Variants in CCDC7 observed in about 807,000 individuals in gnomAD.
CCDC7 encodes coiled-coil domain containing 7.
In CCDC7, 183 loss-of-function variants were observed where a neutral mutation model predicts 196.9. The ratio of observed to expected loss-of-function variants is 0.93; its 90% CI spans 0.82 to 1.05. The LOEUF (loss-of-function observed/expected upper bound fraction) is 1.05. Among genes scored for constraint, CCDC7 ranks in the 50% least tolerant of loss-of-function variants. The pLI is 0.00. For synonymous variants in CCDC7, 525 were observed against 484.6 expected (o/e 1.08, Z -1.10); for missense variants, 1,540 against 1,482.2 (o/e 1.04, Z -0.64).
chr10:32,571,814 TA>T, intron 15 of CCDC7, 44 bp from the exon 17 acceptor site: 1 of 1,493,580 alleles, frequency 6.7e-7, no homozygotes, highest in Non-Finnish European at 8.9e-7. Context: ...AAACATTTCA[TA>T]TGCATACTTG....
Position 32,565,609 on chromosome 10 carries a change from C to T in CCDC7, c.1186C>T (p.Gln396Ter), listed in dbSNP as rs1373131448. The T allele has an allele frequency of 3.7e-6, 6 of 1,608,932 alleles. No individual in the cohort carries two copies. The highest frequency in any genetic ancestry group is 5.1e-6 in the Non-Finnish European group (6 of 1,176,864). ...CAAAGTCCTTCAGGAGCAATTGAAA[C>T]AGGCTTTACAGGTAAAGGATGTCAT... The change falls in exon 14 of 42, where the codon CAG (glutamine) becomes TAG (stop). Residue 396 changes from glutamine to a stop codon, truncating the protein, a stop_gained. Coordinates refer to ENST00000639629, the Ensembl canonical transcript of CCDC7. LOFTEE classifies it high-confidence loss of function.
upstream of CCDC7, among the ~76,000 whole-genome samples, chr10:32,444,843 C>A (rs1253232153): frequency 2.0e-5 from 3 of 146,516 alleles, no homozygotes; most frequent in Non-Finnish European, 4.5e-5. Flanking sequence ...TAAGCATATG[C>A]CTTCATGTTT....
At chr10:32,504,807 T>C (rs1014641125) in intron 9 of CCDC7, among the ~76,000 whole-genome samples, 15 of 152,240 alleles carry the variant, frequency 9.9e-5, no homozygotes, top group Admixed American at 8.5e-4. Context: ...TATTAAGACA[T>C]GTTTTGTGGT....
intron 39 of CCDC7, 25 bp from the exon 41 acceptor site, chr10:32,851,782 T>A: frequency 6.2e-7 from 1 of 1,601,434 alleles, no homozygotes; most frequent in Non-Finnish European, 8.5e-7. Context: ...ATTGTATGGC[T>A]AACATATTTT....
chr10:32,682,047 G>A (rs2075930809), intron 21 of CCDC7, among the ~76,000 whole-genome samples: 1 of 151,990 alleles, frequency 6.6e-6, no homozygotes, highest in South Asian at 2.1e-4. Flanking sequence ...AGGTTCAAGT[G>A]GTACACTTGC....
rs561150188 is a variant in CCDC7, at chr10:32,570,234, G to T, written c.1420-1625G>T. On this transcript the variant is annotated intron_variant, in intron 15 of 41. Coordinates refer to ENST00000639629, the Ensembl canonical transcript of CCDC7. ...TCCATCTAATTGCTGAAACTAGAAAGCCCAGCATCACTGTTATTTCTTCTT... is the reference window on the plus strand; with the variant it reads ...TCCATCTAATTGCTGAAACTAGAAATCCCAGCATCACTGTTATTTCTTCTT... 3.9e-5 allele frequency among the ~76,000 whole-genome samples: 6 copies of T among 152,160 alleles called. No homozygotes were observed. In the South Asian group the frequency reaches 1.2e-3, roughly 32 times the overall value.
chr10:32,872,594 G>A (rs531780317), intron 41 of CCDC7, among the ~76,000 whole-genome samples: 240 of 152,096 alleles, frequency 1.6e-3, no homozygotes, highest in African/African-American at 5.5e-3. Context: ...ATGTTAGCTG[G>A]TTATTTTGCT....
intron 22 of CCDC7, 104 bp from the exon 24 acceptor site, chr10:32,688,949 C>A: frequency 1.4e-6 from 1 of 729,230 alleles, no homozygotes; most frequent in Non-Finnish European, 2.3e-6. Context: ...CATAACTTTA[C>A]AAAAATGAGA....
intron 11 of CCDC7, among the ~76,000 whole-genome samples, chr10:32,541,299 A>G (rs1423536196): frequency 1.6e-5 from 2 of 125,716 alleles, no homozygotes; most frequent in African/African-American, 3.1e-5. Flanking sequence ...ATGAAGGTGC[A>G]CCCTCTCACT....
downstream of CCDC7, among the ~76,000 whole-genome samples, chr10:32,878,594 C>A (rs183261352): frequency 6.6e-6 from 1 of 152,032 alleles, no homozygotes; most frequent in South Asian, 2.1e-4. Flanking sequence ...GGTCTAGGGT[C>A]TTTGAAAGAC....
At chr10:32,830,674 G>A (rs917800527) in intron 32 of CCDC7, among the ~76,000 whole-genome samples, 16 of 152,082 alleles carry the variant, frequency 1.1e-4, no homozygotes, top group Non-Finnish European at 1.2e-4. Flanking sequence ...AAATTCTAGC[G>A]TTGATAGTAC....
intron 5 of CCDC7, 91 bp downstream of exon 6, chr10:32,463,140 T>G: frequency 6.7e-7 from 1 of 1,491,542 alleles, no homozygotes; most frequent in Non-Finnish European, 9.1e-7. Context: ...TATGTATAAG[T>G]CATTTTTGAA....
intron 18 of CCDC7, among the ~76,000 whole-genome samples, chr10:32,628,743 T>C (rs1469660992): frequency 3.3e-5 from 5 of 152,144 alleles, no homozygotes; most frequent in African/African-American, 7.2e-5. Context: ...TAATTTTCCT[T>C]TTAATTTCTT....
At chr10:32,542,633 C>CAA (rs11375465) in intron 11 of CCDC7, among the ~76,000 whole-genome samples, 5,600 of 87,664 alleles carry the variant, frequency 0.064, 386 homozygotes, top group African/African-American at 0.094. Flanking sequence ...ACTCCCATCT[C>CAA]AAAAAAAAAA....
chr10:32,643,611 C>T (rs1324042873), intron 20 of CCDC7, among the ~76,000 whole-genome samples: 1 of 151,618 alleles, frequency 6.6e-6, no homozygotes, highest in Non-Finnish European at 1.5e-5. Flanking sequence ...ATGTTGGAAT[C>T]TTTTTTTATT....
intron 25 of CCDC7, among the ~76,000 whole-genome samples, chr10:32,724,381 G>T (rs1472405006): frequency 6.6e-6 from 1 of 152,094 alleles, no homozygotes; most frequent in Non-Finnish European, 1.5e-5. Flanking sequence ...AGAGAGAGCT[G>T]CCAGTTGTTG....
At chr10:32,656,721 G>A (rs552882975) in intron 20 of CCDC7, among the ~76,000 whole-genome samples, 1 of 152,180 alleles carries the variant, frequency 6.6e-6, no homozygotes, top group Non-Finnish European at 1.5e-5. Flanking sequence ...ATTCCACCCG[G>A]CCCCTCCCAA....
At chr10:32,852,151 G>A (rs1299194838) in intron 40 of CCDC7, among the ~76,000 whole-genome samples, 1 of 152,156 alleles carries the variant, frequency 6.6e-6, no homozygotes, top group Admixed American at 6.5e-5. Flanking sequence ...CTAAATTGGA[G>A]CTCCATTTCT....
chr10:32,501,088 T>A (rs2043956583), intron 9 of CCDC7, among the ~76,000 whole-genome samples: 1 of 152,082 alleles, frequency 6.6e-6, no homozygotes, highest in Admixed American at 6.5e-5. Flanking sequence ...TTTCACTCTT[T>A]TTTTGTCTAA....
Sources: allele counts gnomAD v4.1 joint callset (sites outside exome capture counted in the v4.1 genomes callset), GRCh38; gene constraint gnomAD v4.1.1; transcripts MANE v1.5; gene names NCBI Gene and HGNC (gene_info 2026-07-23, HGNC 2026-07-21).